The following PPP2R2B variants were observed in gnomAD, a reference collection of about 807,000 sequenced individuals.
PPP2R2B encodes serine/threonine-protein phosphatase 2A 55 kDa regulatory subunit B beta isoform.
PPP2R2B carries 5 observed loss-of-function variants against 46.0 expected under a neutral mutation model. The observed-to-expected ratio is 0.11, with a 90% CI of 0.06 to 0.23. The LOEUF (loss-of-function observed/expected upper bound fraction) is 0.23. PPP2R2B is among the 10% of genes least tolerant of loss of function. PPP2R2B has a pLI of 1.00. For missense variants in PPP2R2B, 367 were observed against 575.0 expected (o/e 0.64, Z 3.70); for synonymous variants, 215 against 206.7 (o/e 1.04, Z -0.34).
chr5:146,861,098 C>T (rs1345578802), intron 2 of PPP2R2B, among the ~76,000 whole-genome samples: 15 of 141,504 alleles, frequency 1.1e-4, no homozygotes, highest in East Asian at 4.1e-4. Context: ...CTCTGTCGCT[C>T]GGGCTGGAGT....
rs1287745221 is a variant in PPP2R2B at position 146,658,541 on chromosome 5, A to T, written c.448-7817T>A. Among the ~76,000 whole-genome samples the T allele has an allele frequency of 2.0e-5, 3 of 152,182 alleles. No individual in the cohort carries two copies. In the East Asian group the frequency reaches 5.8e-4, roughly 29 times the overall value. On this transcript the variant is annotated intron_variant, in intron 5 of 9. Transcript: ENST00000394411. The stretch of plus-strand genomic sequence containing the variant: ...AGCAGCCGTCTTCAATGAGAATACC[A>T]TTCCCCTAGGAACAGCAGTGGTGGA...
At chr5:146,831,076 T>C (rs1287529681) in intron 2 of PPP2R2B, among the ~76,000 whole-genome samples, 2 of 152,194 alleles carry the variant, frequency 1.3e-5, no homozygotes, top group East Asian at 3.9e-4. Context: ...CATACCGTTA[T>C]GTACAGTATG....
At chr5:146,590,914 G>T (rs375346207) in intron 9 of PPP2R2B, among the ~76,000 whole-genome samples, 2 of 150,484 alleles carry the variant, frequency 1.3e-5, no homozygotes, top group Non-Finnish European at 2.9e-5. Flanking sequence ...ATTTTATATG[G>T]TTTTTTTCCC....
intron 2 of PPP2R2B, among the ~76,000 whole-genome samples, chr5:146,828,414 C>T (rs1165964432): frequency 1.1e-4 from 17 of 152,148 alleles, no homozygotes; most frequent in Admixed American, 9.8e-4. Flanking sequence ...GCATTGCTTT[C>T]AGAATGTTCC....
In PPP2R2B at chr5:146,664,148, C is replaced by A. The variant is rs538365977; in HGVS notation, c.448-13424G>T. ...AGCCACCGCGCCTGGCTGGCTGTTG[C>A]AATTTTTAAAAGACAACAATGAAGT... On this transcript the variant is annotated intron_variant, in intron 5 of 9. Coordinates refer to ENST00000394411, the MANE Select transcript of PPP2R2B (RefSeq NM_181675.4). Among the ~76,000 whole-genome samples, 6 of 152,208 alleles carry A rather than the reference C, an allele frequency of 3.9e-5. No individual in the cohort carries two copies. In the South Asian group the frequency reaches 1.2e-3, roughly 32 times the overall value.
At chr5:146,792,700 T>C (rs1197782824) in intron 2 of PPP2R2B, among the ~76,000 whole-genome samples, 5 of 152,182 alleles carry the variant, frequency 3.3e-5, no homozygotes. Flanking sequence ...GCTATGCAGA[T>C]GTCTGGAAGA....
At chr5:146,604,676 A>G (rs1389652832) in intron 7 of PPP2R2B, among the ~76,000 whole-genome samples, 2 of 152,296 alleles carry the variant, frequency 1.3e-5, no homozygotes, top group Admixed American at 1.3e-4. Context: ...TAAATACATT[A>G]TTGCATTTTA....
chr5:146,708,084 G>A (rs1302609414), intron 2 of PPP2R2B, among the ~76,000 whole-genome samples: 3 of 152,070 alleles, frequency 2.0e-5, no homozygotes, highest in African/African-American at 4.8e-5. Context: ...GGCTGGGCAC[G>A]GTGGCTCACG....
chr5:146,765,898 G>A (rs1754448928), intron 2 of PPP2R2B, among the ~76,000 whole-genome samples: 2 of 152,112 alleles, frequency 1.3e-5, no homozygotes, highest in South Asian at 4.1e-4. Context: ...TCTCATGCTG[G>A]TAACTTTCAA....
At chr5:146,824,403 C>T (rs560188057) in intron 2 of PPP2R2B, among the ~76,000 whole-genome samples, 1 of 152,320 alleles carries the variant, frequency 6.6e-6, no homozygotes, top group South Asian at 2.1e-4. Context: ...GGTAGAGCAG[C>T]CATGTTATAT....
At chr5:147,074,210 C>T (rs1250019201) in intron 2 of PPP2R2B, among the ~76,000 whole-genome samples, 1 of 151,986 alleles carries the variant, frequency 6.6e-6, no homozygotes, top group East Asian at 1.9e-4. Flanking sequence ...CAGTATCCTG[C>T]CTAAGGTCAC....
At chr5:147,004,162 G>A (rs777549614) in intron 1 of PPP2R2B, among the ~76,000 whole-genome samples, 8 of 152,146 alleles carry the variant, frequency 5.3e-5, no homozygotes, top group Non-Finnish European at 1.0e-4. Context: ...ATCACCCAGT[G>A]GGGCTTGTTA....
chr5:147,072,953 C>T (rs943566204), intron 2 of PPP2R2B, among the ~76,000 whole-genome samples: 1 of 152,172 alleles, frequency 6.6e-6, no homozygotes, highest in Non-Finnish European at 1.5e-5. Flanking sequence ...CTGCTCTGTT[C>T]CTAGTGTGGG....
At chr5:146,631,385 A>C (rs1774413967) in intron 7 of PPP2R2B, among the ~76,000 whole-genome samples, 1 of 152,164 alleles carries the variant, frequency 6.6e-6, no homozygotes, top group African/African-American at 2.4e-5. Flanking sequence ...ACATATACTT[A>C]TCCTGACCTT....
At chr5:146,821,142 C>T (rs1013744041) in intron 2 of PPP2R2B, among the ~76,000 whole-genome samples, 14 of 152,114 alleles carry the variant, frequency 9.2e-5, no homozygotes, top group African/African-American at 3.4e-4. Context: ...CAGAGAAACA[C>T]ACACAATACA....
intron 1 of PPP2R2B, among the ~76,000 whole-genome samples, chr5:147,052,921 T>C (rs1203576343): frequency 6.6e-6 from 1 of 151,964 alleles, no homozygotes; most frequent in African/African-American, 2.4e-5. Context: ...AAGGAACCAA[T>C]AGTTGTGAAC....
At chr5:146,850,092 A>G (rs1397552850) in intron 2 of PPP2R2B, among the ~76,000 whole-genome samples, 1 of 152,314 alleles carries the variant, frequency 6.6e-6, no homozygotes, top group African/African-American at 2.4e-5. Flanking sequence ...AACGATGCTA[A>G]TTTATGTCTG....
chr5:146,594,549 T>C (rs1257285630), intron 8 of PPP2R2B, among the ~76,000 whole-genome samples: 3 of 152,242 alleles, frequency 2.0e-5, no homozygotes, highest in African/African-American at 7.2e-5. Context: ...AGGTGCTTTA[T>C]CTGTCAAAAC....
intron 7 of PPP2R2B, among the ~76,000 whole-genome samples, chr5:146,623,656 C>A (rs1317133354): frequency 6.6e-6 from 1 of 152,166 alleles, no homozygotes; most frequent in South Asian, 2.1e-4. Flanking sequence ...ATTAAGGATG[C>A]CCATACATGA....
Sources: gnomAD v4.1 joint callset for allele counts (sites outside exome capture counted in the v4.1 genomes callset) on GRCh38, gnomAD v4.1.1 for gene constraint, MANE v1.5 for transcripts, NCBI Gene and HGNC (gene_info 2026-07-23, HGNC 2026-07-21) for gene names.